The following IL1RAPL2 variants were observed in gnomAD, a reference collection of about 807,000 sequenced individuals.
The protein encoded by IL1RAPL2 is interleukin 1 receptor accessory protein like 2.
IL1RAPL2 carries 3 observed loss-of-function variants against 44.1 expected under a neutral mutation model. The observed-to-expected ratio is 0.07, with a 90% CI of 0.03 to 0.18. The LOEUF (loss-of-function observed/expected upper bound fraction) is 0.18. IL1RAPL2 is among the 10% of genes least tolerant of loss of function. The probability of loss-of-function intolerance (pLI) is 1.00; values close to 1 mark genes in which losing one functional copy is unlikely to be tolerated. For synonymous variants in IL1RAPL2, 181 were observed against 178.8 expected (o/e 1.01, Z -0.10); for missense variants, 391 against 496.4 (o/e 0.79, Z 2.02).
intron 2 of IL1RAPL2, among the ~76,000 whole-genome samples, chrX:104,725,167 G>A (rs56331521): frequency 3.1e-3 from 348 of 111,312 alleles, no homozygotes; most frequent in African/African-American, 0.011. Context: ...AGCTTGCTGG[G>A]AATGATGGTT....
intron 1 of IL1RAPL2, among the ~76,000 whole-genome samples, chrX:104,640,140 A>G (rs2148015728): frequency 9.0e-6 from 1 of 111,548 alleles, no homozygotes; most frequent in East Asian, 2.8e-4. Flanking sequence ...GCTTTGTTGT[A>G]TCCCATATGT....
At chrX:105,260,090 G>C (rs1280628422) in intron 4 of IL1RAPL2, among the ~76,000 whole-genome samples, 1 of 112,405 alleles carries the variant, frequency 8.9e-6, no homozygotes, top group Admixed American at 9.3e-5. Flanking sequence ...TGGAGACCCT[G>C]GTTGGAAGGT....
At chrX:105,577,972 C>G (rs1042426955) in intron 6 of IL1RAPL2, among the ~76,000 whole-genome samples, 1 of 109,322 alleles carries the variant, frequency 9.1e-6, no homozygotes, top group Non-Finnish European at 1.9e-5. Context: ...TGCTGGTGTG[C>G]TACACCCATT....
At chrX:104,983,011 C>T (rs1448530822) in intron 2 of IL1RAPL2, among the ~76,000 whole-genome samples, 1 of 111,095 alleles carries the variant, frequency 9.0e-6, no homozygotes. Flanking sequence ...TTGACTGTTA[C>T]ATTTTACTAC....
At chrX:104,896,901 C>A (rs1233728330) in intron 2 of IL1RAPL2, among the ~76,000 whole-genome samples, 1 of 111,317 alleles carries the variant, frequency 9.0e-6, no homozygotes. Context: ...GGATGCCCCA[C>A]CTTTAAGAGC....
chrX:104,642,528 A>G (rs988878688), intron 1 of IL1RAPL2, among the ~76,000 whole-genome samples: 1 of 110,188 alleles, frequency 9.1e-6, no homozygotes, highest in African/African-American at 3.3e-5. Flanking sequence ...CTTGTTGCCC[A>G]GGCTGGAGTC....
chrX:105,747,531 TATA>T (rs2038558216), intron 8 of IL1RAPL2, among the ~76,000 whole-genome samples: 1 of 85,838 alleles, frequency 1.2e-5, no homozygotes, highest in African/African-American at 3.9e-5. Context: ...TATATATATA[TATA>T]TACACACACA....
chrX:104,870,484 G>A (rs138080000), intron 2 of IL1RAPL2, among the ~76,000 whole-genome samples: 4 of 112,511 alleles, frequency 3.6e-5, no homozygotes, highest in Non-Finnish European at 7.5e-5. Context: ...AGGAATTTAT[G>A]GATGAGGCAA....
intron 2 of IL1RAPL2, among the ~76,000 whole-genome samples, chrX:104,836,965 C>A (rs1921759752): frequency 9.0e-6 from 1 of 111,053 alleles, no homozygotes; most frequent in African/African-American, 3.3e-5. Context: ...TGTTCATCTG[C>A]CACTTATGAG....
intron 2 of IL1RAPL2, among the ~76,000 whole-genome samples, chrX:104,837,562 T>G (rs1921773732): frequency 8.9e-6 from 1 of 112,029 alleles, no homozygotes. Flanking sequence ...TTGCCCACTT[T>G]TTGATGGGGT....
At chrX:104,904,229 A>T (rs1192799345) in intron 2 of IL1RAPL2, among the ~76,000 whole-genome samples, 1 of 108,423 alleles carries the variant, frequency 9.2e-6, no homozygotes, top group Non-Finnish European at 1.9e-5. Flanking sequence ...CTTCTTTTAT[A>T]TATATATATA....
intron 2 of IL1RAPL2, among the ~76,000 whole-genome samples, chrX:105,048,910 G>C (rs1351545468): frequency 8.9e-6 from 1 of 112,120 alleles, no homozygotes; most frequent in Non-Finnish European, 1.9e-5. Context: ...CAGATTTACA[G>C]ACTTAATGCC....
intron 6 of IL1RAPL2, among the ~76,000 whole-genome samples, chrX:105,672,422 T>C (rs1487794036): frequency 1.8e-5 from 2 of 112,310 alleles, no homozygotes; most frequent in African/African-American, 6.5e-5. Flanking sequence ...AGGTGAGAGT[T>C]CCAGGTTCTT....
chrX:105,084,920 A>C (rs1569378636), intron 2 of IL1RAPL2, among the ~76,000 whole-genome samples: 1 of 111,227 alleles, frequency 9.0e-6, no homozygotes, highest in Non-Finnish European at 1.9e-5. Flanking sequence ...GGCTGTTCTC[A>C]TCATAGTGAG....
chrX:105,718,473 T>A (rs989391277), intron 7 of IL1RAPL2, among the ~76,000 whole-genome samples: 2 of 111,366 alleles, frequency 1.8e-5, no homozygotes, highest in African/African-American at 6.5e-5. Context: ...CCCTTAAGAG[T>A]CTATGCAAAA....
chrX:105,286,248 C>G (rs766079997), intron 5 of IL1RAPL2, among the ~76,000 whole-genome samples: 1 of 110,572 alleles, frequency 9.0e-6, no homozygotes, highest in South Asian at 3.8e-4. Context: ...CCATTTACCC[C>G]CTGGATGACC....
At chrX:104,814,091 C>G (rs1042382668) in intron 2 of IL1RAPL2, among the ~76,000 whole-genome samples, 1 of 111,122 alleles carries the variant, frequency 9.0e-6, no homozygotes, top group Middle Eastern at 4.7e-3. Context: ...GGGTAAGGAC[C>G]CTGTTCTCAG....
intron 6 of IL1RAPL2, among the ~76,000 whole-genome samples, chrX:105,507,334 G>T (rs779773522): frequency 1.8e-5 from 2 of 111,600 alleles, no homozygotes; most frequent in Non-Finnish European, 3.8e-5. Context: ...TCTTGTTTAC[G>T]GCCTCAGTGA....
chrX:104,911,628 A>C (rs1332025375), intron 2 of IL1RAPL2, among the ~76,000 whole-genome samples: 1 of 111,717 alleles, frequency 9.0e-6, no homozygotes, highest in Non-Finnish European at 1.9e-5. Flanking sequence ...AGTACTTTTA[A>C]AATGTAAATC....
Sources: allele counts gnomAD v4.1 joint callset (sites outside exome capture counted in the v4.1 genomes callset), GRCh38; gene constraint gnomAD v4.1.1; transcripts MANE v1.5; gene names NCBI Gene and HGNC (gene_info 2026-07-23, HGNC 2026-07-21).